CASP9: variants seen among roughly 807,000 people sequenced by gnomAD.
The protein encoded by CASP9 is caspase-9.
Under a neutral mutation model 43.5 loss-of-function variants are expected in CASP9, and 29 were observed. The ratio of observed to expected loss-of-function variants is 0.67; its 90% CI spans 0.50 to 0.91. The LOEUF (loss-of-function observed/expected upper bound fraction) is 0.91, where lower values mean the gene tolerates loss of function less well. Ranked by LOEUF, CASP9 falls within the 40% of genes least tolerant of loss-of-function variation. CASP9 has a pLI of 0.00. For synonymous variants in CASP9, 206 were observed against 211.9 expected, an observed-to-expected ratio of 0.97 and a Z score of 0.24; for missense variants, 575 against 537.4, an observed-to-expected ratio of 1.07 and a Z score of -0.69.
At chr1:15,493,185 C>G in intron 8 of CASP9, 150 bp from the exon 9 acceptor site, 1 of 1,446,030 alleles carries the variant, frequency 6.9e-7, no homozygotes, top group South Asian at 1.5e-5. Flanking sequence ...TTAAAGAATA[C>G]GCACCTCAAC....
chr1:15,496,443 G>T (rs959778274), intron 6 of CASP9, among the ~76,000 whole-genome samples: 2 of 152,078 alleles, frequency 1.3e-5, no homozygotes, highest in East Asian at 1.9e-4. Context: ...AGAAATAAAA[G>T]ACATTCAAAT....
chr1:15,512,509 T>C lies in CASP9; in HGVS notation c.419-4602A>G, dbSNP rs1327800442. ...CTTCTCCTGCCTTTGGAATGGGACTTCTACCATTGGTGCTCCTGGATCTCA... is the reference window on the plus strand; with the variant it reads ...CTTCTCCTGCCTTTGGAATGGGACTCCTACCATTGGTGCTCCTGGATCTCA... On this transcript the variant is annotated intron_variant, in intron 2 of 8. Transcript: ENST00000333868. Among the ~76,000 whole-genome samples the C allele has an allele frequency of 3.9e-5, 6 of 152,136 alleles. No homozygotes were observed. In the East Asian group the frequency reaches 1.2e-3, roughly 29 times the overall value.
chr1:15,524,287 C>T, upstream of CASP9: 1 of 1,475,660 alleles, frequency 6.8e-7, no homozygotes, highest in South Asian at 1.3e-5. Flanking sequence ...CCGCCCCCGC[C>T]CCAGGGCCTG....
chr1:15,523,964 T>C, intron 1 of CASP9, 105 bp downstream of exon 1: 1 of 819,512 alleles, frequency 1.2e-6, no homozygotes, highest in East Asian at 3.1e-5. Flanking sequence ...TTGGCTCCGC[T>C]GAGGGGTTTG....
At chr1:15,508,058 T>G in intron 2 of CASP9, 151 bp from the exon 3 acceptor site, 1 of 704,934 alleles carries the variant, frequency 1.4e-6, no homozygotes, top group South Asian at 1.8e-5. Context: ...GAGATCTGTT[T>G]AGAGGTTTCT....
rs1268749727 is a variant in CASP9, at chr1:15,493,959, A to G, written c.1091T>C (p.Val364Ala). The change falls in exon 8 of 9, where the codon GTT (valine) becomes GCT (alanine). Residue 364 changes from valine to alanine, a missense_variant. Physicochemically the swap from Val to Ala is moderately conservative, Grantham distance 64. Coordinates refer to ENST00000333868, the MANE Select transcript of CASP9 (RefSeq NM_001229.5). ...CTCAAAGATGTCGTCCAGGGTCTCAACGTACCAGGAGCCACTCTTGGGGTC... is the reference window on the plus strand; with the variant it reads ...CTCAAAGATGTCGTCCAGGGTCTCAGCGTACCAGGAGCCACTCTTGGGGTC... The part of the protein sequence containing the change: ...WRDPKSGSWY[V>A]ETLDDIFEQW... The G allele has an allele frequency of 1.2e-6, 2 of 1,603,838 alleles. No individual in the cohort carries two copies. The highest frequency in any genetic ancestry group is 1.7e-6 in the Non-Finnish European group (2 of 1,174,864).
chr1:15,493,651 C>A (rs1475847241), intron 8 of CASP9: 2 of 1,446,360 alleles, frequency 1.4e-6, no homozygotes, highest in African/African-American at 1.4e-5. Context: ...GAGGTGTCAA[C>A]CTGGGGACCT....
intron 2 of CASP9, among the ~76,000 whole-genome samples, chr1:15,517,140 C>T (rs4646015): frequency 0.029 from 4,461 of 152,232 alleles, 90 homozygotes; most frequent in Non-Finnish European, 0.045. Flanking sequence ...GAGCTCCACA[C>T]GCTGCCATGG....
chr1:15,500,588 C>T (rs1009954256), intron 6 of CASP9, among the ~76,000 whole-genome samples: 23 of 152,296 alleles, frequency 1.5e-4, no homozygotes, highest in African/African-American at 5.3e-4. Flanking sequence ...CTCACGGAGG[C>T]CCCCAGCCTC....
At chr1:15,524,300 C>A (rs1375725265), upstream of CASP9, 10 of 1,470,506 alleles carry the variant, frequency 6.8e-6, no homozygotes, top group East Asian at 2.5e-4. Context: ...AGGGCCTGCC[C>A]CCGCGTCACG....
chr1:15,500,117 T>C (rs915118002), intron 6 of CASP9, among the ~76,000 whole-genome samples: 3 of 137,208 alleles, frequency 2.2e-5, no homozygotes, highest in Non-Finnish European at 4.7e-5. Flanking sequence ...ACAAGAGCTT[T>C]GGTTAAAAAA....
chr1:15,523,795 A>G lies in CASP9; in HGVS notation c.132+274T>C, dbSNP rs372224673. Among the ~76,000 whole-genome samples the G allele has an allele frequency of 7.2e-4, 110 of 152,292 alleles. 1 individual carries two copies. In the South Asian group the frequency reaches 0.022, roughly 30 times the overall value. On this transcript the variant is annotated intron_variant, in intron 1 of 8. Transcript: ENST00000333868. Reference sequence around the variant, plus strand: ...GCAACACTAAAGCTCTTTCAGTCTGATGTTCTCCAATTCATGAATTGTTTC... The same window carrying G: ...GCAACACTAAAGCTCTTTCAGTCTGGTGTTCTCCAATTCATGAATTGTTTC...
At chr1:15,499,582 CA>C (rs1035195300) in intron 6 of CASP9, among the ~76,000 whole-genome samples, 1 of 152,134 alleles carries the variant, frequency 6.6e-6, no homozygotes, top group African/African-American at 2.4e-5. Flanking sequence ...CAAATGCAGT[CA>C]AAAGCTTTCT....
chr1:15,516,170 C>A (rs1329134311), intron 2 of CASP9, among the ~76,000 whole-genome samples: 1 of 150,920 alleles, frequency 6.6e-6, no homozygotes, highest in Non-Finnish European at 1.5e-5. Flanking sequence ...CCACTGCACT[C>A]CAGCCTGGGT....
intron 2 of CASP9, 104 bp from the exon 3 acceptor site, chr1:15,508,011 CAG>C: frequency 2.7e-6 from 3 of 1,118,994 alleles, no homozygotes; most frequent in Non-Finnish European, 4.0e-6. Flanking sequence ...AGCGAGAACT[CAG>C]ACCCTCAGAC....
chr1:15,518,431 C>T (rs1820205), intron 1 of CASP9, 36 bp from the exon 2 acceptor site: 854,010 of 1,590,994 alleles, frequency 0.54, 232,726 homozygotes, highest in African/African-American at 0.71. Context: ...TAATTATCCA[C>T]GTACTTTTAT....
chr1:15,505,296 A>C (rs1343216595), intron 5 of CASP9, among the ~76,000 whole-genome samples: 1 of 152,196 alleles, frequency 6.6e-6, no homozygotes, highest in Non-Finnish European at 1.5e-5. Flanking sequence ...CATGAGCTCT[A>C]GGGACCATAT....
chr1:15,511,492 C>T (rs1709753000), intron 2 of CASP9, among the ~76,000 whole-genome samples: 1 of 151,872 alleles, frequency 6.6e-6, no homozygotes, highest in Admixed American at 6.6e-5. Flanking sequence ...CAACCTCTGT[C>T]TCCCAGGTTC....
intron 1 of CASP9, among the ~76,000 whole-genome samples, chr1:15,522,186 T>C (rs1358882656): frequency 6.6e-6 from 1 of 152,230 alleles, no homozygotes; most frequent in Non-Finnish European, 1.5e-5. Flanking sequence ...TCATAGGGTT[T>C]TTCTGTTTGT....
Sources: gnomAD v4.1 joint callset for allele counts (sites outside exome capture counted in the v4.1 genomes callset) on GRCh38, gnomAD v4.1.1 for gene constraint, MANE v1.5 for transcripts, NCBI Gene and HGNC (gene_info 2026-07-23, HGNC 2026-07-21) for gene names.